Variants in TSPAN7 observed in about 807,000 individuals in gnomAD.
TSPAN7 encodes tetraspanin 7, also known as tetraspanin-7.
Under a neutral mutation model 17.6 loss-of-function variants are expected in TSPAN7, and 1 was observed. The ratio of observed to expected loss-of-function variants is 0.06; its 90% CI spans 0.02 to 0.27. TSPAN7 has a LOEUF of 0.27. Among genes scored for constraint, TSPAN7 ranks in the 10% least tolerant of loss-of-function variants. TSPAN7 has a pLI of 1.00. For synonymous variants in TSPAN7, 78 were observed against 79.0 expected (o/e 0.99, Z 0.07); for missense variants, 112 against 201.7 (o/e 0.56, Z 2.69).
intron 3 of TSPAN7, 115 bp from the exon 4 acceptor site, chrX:38,674,106 C>A: frequency 1.7e-6 from 1 of 592,994 alleles, no homozygotes; most frequent in Non-Finnish European, 2.8e-6. Context: ...GCCTCCCTGG[C>A]CTACATTTAT....
chrX:38,626,154 G>A (rs936751883), intron 1 of TSPAN7, among the ~76,000 whole-genome samples: 2 of 111,873 alleles, frequency 1.8e-5, no homozygotes, highest in Non-Finnish European at 3.8e-5. Flanking sequence ...TGAGAGGGCT[G>A]TGGTCAGAGA....
intron 1 of TSPAN7, among the ~76,000 whole-genome samples, chrX:38,640,074 T>G: frequency 9.0e-6 from 1 of 111,444 alleles, no homozygotes; most frequent in Non-Finnish European, 1.9e-5. Context: ...CCTTCATGGG[T>G]TTTGAAATGG....
chrX:38,591,127 G>C (rs1432054340), intron 1 of TSPAN7, among the ~76,000 whole-genome samples: 1 of 110,498 alleles, frequency 9.0e-6, no homozygotes, highest in African/African-American at 3.3e-5. Context: ...TGAAGTCATT[G>C]ATTGGAGACC....
At chrX:38,656,116 G>A in intron 1 of TSPAN7, 1 of 273,862 alleles carries the variant, frequency 3.7e-6, no homozygotes, top group Non-Finnish European at 7.1e-6. Context: ...ATGGATATTA[G>A]GACAGAATAT....
At chrX:38,580,082 G>A (rs1451989912) in intron 1 of TSPAN7, among the ~76,000 whole-genome samples, 1 of 112,013 alleles carries the variant, frequency 8.9e-6, no homozygotes, top group Non-Finnish European at 1.9e-5. Flanking sequence ...TTAGTTTAGA[G>A]GCTGGCAAAC....
At position 38,660,326 on chromosome X, in the gene TSPAN7, C is replaced by T. The variant is rs761934942; in HGVS notation, c.82-5795C>T. On this transcript the variant is annotated intron_variant, in intron 1 of 7. Coordinates refer to ENST00000378482, the MANE Select transcript of TSPAN7 (RefSeq NM_004615.4). ...CACACTGTTACTTCTTAAAATAAGACCATAACATTATACAAGCTGCTGGTT... is the reference window on the plus strand; with the variant it reads ...CACACTGTTACTTCTTAAAATAAGATCATAACATTATACAAGCTGCTGGTT... Among the ~76,000 whole-genome samples the T allele has an allele frequency of 6.3e-4, 70 of 111,778 alleles. 1 individual carries two copies. The highest frequency in any genetic ancestry group is 1.1e-3 in the Non-Finnish European group (58 of 53,163).
chrX:38,636,995 T>C (rs1426954363), intron 1 of TSPAN7, among the ~76,000 whole-genome samples: 1 of 112,266 alleles, frequency 8.9e-6, no homozygotes, highest in Non-Finnish European at 1.9e-5. Flanking sequence ...AAAACTACAG[T>C]CCTGTTGAAG....
chrX:38,572,711 T>C (rs2069175379), intron 1 of TSPAN7, among the ~76,000 whole-genome samples: 1 of 111,337 alleles, frequency 9.0e-6, no homozygotes, highest in South Asian at 3.8e-4. Context: ...GTAGACCCCT[T>C]TGGGGTTGAA....
chrX:38,645,081 C>T (rs189937572), intron 1 of TSPAN7, among the ~76,000 whole-genome samples: 17 of 112,204 alleles, frequency 1.5e-4, no homozygotes, highest in Admixed American at 1.5e-3. Context: ...AATGTCATGA[C>T]ATCCGTATTT....
intron 1 of TSPAN7, chrX:38,612,774 T>A (rs909711198): frequency 9.0e-6 from 1 of 111,706 alleles, no homozygotes; most frequent in Non-Finnish European, 1.9e-5. Flanking sequence ...AATACGTTGA[T>A]CTGTTGTCTT....
At chrX:38,611,492 G>A (rs1302938275) in intron 1 of TSPAN7, among the ~76,000 whole-genome samples, 1 of 112,058 alleles carries the variant, frequency 8.9e-6, no homozygotes, top group African/African-American at 3.2e-5. Flanking sequence ...ATCCCCACTA[G>A]TTGAGGTGCA....
intron 1 of TSPAN7, among the ~76,000 whole-genome samples, chrX:38,647,265 A>G (rs1043245730): frequency 8.9e-6 from 1 of 111,962 alleles, no homozygotes; most frequent in Non-Finnish European, 1.9e-5. Flanking sequence ...CCCTCATGGT[A>G]CATTTGTCCT....
chrX:38,669,248 T>A (rs1038693013), intron 2 of TSPAN7, among the ~76,000 whole-genome samples: 4 of 111,897 alleles, frequency 3.6e-5, no homozygotes, highest in Admixed American at 9.5e-5. Context: ...AACAATAAAA[T>A]TTTTAAAATA....
intron 1 of TSPAN7, among the ~76,000 whole-genome samples, chrX:38,658,195 T>A (rs1254312699): frequency 9.0e-6 from 1 of 111,377 alleles, no homozygotes; most frequent in Non-Finnish European, 1.9e-5. Context: ...AGTCTTTTTT[T>A]AAAAAAATAA....
intron 1 of TSPAN7, among the ~76,000 whole-genome samples, chrX:38,574,257 G>A (rs771518594): frequency 8.9e-6 from 1 of 111,958 alleles, no homozygotes; most frequent in Admixed American, 9.5e-5. Flanking sequence ...TCTAGCAAAT[G>A]CAGTAAGAAA....
chrX:38,607,818 G>A (rs1322683723), intron 1 of TSPAN7, among the ~76,000 whole-genome samples: 2 of 106,450 alleles, frequency 1.9e-5, no homozygotes, highest in East Asian at 5.9e-4. Flanking sequence ...GCTATGTTTA[G>A]TGTCTGCAGA....
At chrX:38,564,258 T>G (rs894457533) in intron 1 of TSPAN7, among the ~76,000 whole-genome samples, 2 of 111,542 alleles carry the variant, frequency 1.8e-5, no homozygotes, top group Admixed American at 1.9e-4. Flanking sequence ...CTTTTGTGAC[T>G]GTTTTTTTCA....
intron 1 of TSPAN7, among the ~76,000 whole-genome samples, chrX:38,581,075 A>G (rs2069224795): frequency 8.9e-6 from 1 of 112,401 alleles, no homozygotes; most frequent in African/African-American, 3.2e-5. Context: ...AACTTAGGCC[A>G]GGTCCATCTT....
intron 1 of TSPAN7, among the ~76,000 whole-genome samples, chrX:38,661,612 C>A (rs1292374667): frequency 8.9e-6 from 1 of 111,924 alleles, no homozygotes; most frequent in Non-Finnish European, 1.9e-5. Context: ...CCAGGCCAGT[C>A]ATGTAGTTTA....
Sources: allele counts gnomAD v4.1 joint callset (sites outside exome capture counted in the v4.1 genomes callset), GRCh38; gene constraint gnomAD v4.1.1; transcripts MANE v1.5; gene names NCBI Gene and HGNC (gene_info 2026-07-23, HGNC 2026-07-21).